PADI3: variants seen among roughly 807,000 people sequenced by gnomAD.
PADI3 encodes peptidyl arginine deiminase 3.
PADI3 carries 53 observed loss-of-function variants against 71.5 expected under a neutral mutation model. The observed-to-expected ratio is 0.74, with a 90% CI of 0.59 to 0.93. PADI3 has a LOEUF of 0.93. Ranked by LOEUF, PADI3 falls within the 40% of genes least tolerant of loss-of-function variation. The pLI is 0.00. For synonymous variants in PADI3, 361 were observed against 347.5 expected (o/e 1.04, Z -0.43); for missense variants, 821 against 868.0 (o/e 0.95, Z 0.68).
chr1:17,261,039 G>C (rs989269086), intron 2 of PADI3, among the ~76,000 whole-genome samples: 4 of 152,188 alleles, frequency 2.6e-5, no homozygotes, highest in African/African-American at 9.7e-5. Context: ...AAGCATCACT[G>C]CTGGTGATTG....
At chr1:17,264,331 TACACACACACACAC>T (rs60223695) in intron 3 of PADI3, among the ~76,000 whole-genome samples, 3 of 148,112 alleles carry the variant, frequency 2.0e-5, no homozygotes, top group East Asian at 3.9e-4. Context: ...AAAGCATATG[TACACACACACACAC>T]ACACACACAC....
At chr1:17,275,436 CAAAA>C (rs10617336) in intron 11 of PADI3, among the ~76,000 whole-genome samples, 3 of 89,466 alleles carry the variant, frequency 3.4e-5, no homozygotes, top group Admixed American at 1.6e-4. Flanking sequence ...GACTCCGTCT[CAAAA>C]AAAAAAAAAA....
intron 3 of PADI3, among the ~76,000 whole-genome samples, chr1:17,264,988 G>A (rs1273135860): frequency 3.4e-5 from 5 of 146,396 alleles, no homozygotes; most frequent in African/African-American, 1.0e-4. Context: ...CAGCCTGGGC[G>A]ACAGAGACCC....
chr1:17,258,157 G>A (rs1433171133), intron 1 of PADI3, among the ~76,000 whole-genome samples: 1 of 152,226 alleles, frequency 6.6e-6, no homozygotes, highest in Non-Finnish European at 1.5e-5. Context: ...CTGGCACACA[G>A]CATGAGCTCA....
chr1:17,274,759 G>A lies in PADI3; in HGVS notation c.1280G>A (p.Arg427Lys), dbSNP rs759633615. The change falls in exon 11 of 16, where the codon AGG becomes AAG. Residue 427 changes from arginine (R) to lysine (K), a missense_variant. Coordinates refer to ENST00000375460, the MANE Select transcript of PADI3 (RefSeq NM_016233.2). The part of the protein sequence containing the change: ...VANGKEYPLG[R>K]ILIGGNLPGS... ...AATGGGAAAGAGTACCCCCTGGGGA[G>A]GATCCTCATTGGGGGCAACCTGCCT... is the stretch of plus-strand genomic sequence containing the variant. 6.8e-6 allele frequency: 11 copies of A among 1,613,788 alleles called. No homozygotes were observed. In the South Asian group the frequency reaches 7.7e-5, roughly 11 times the overall value.
chr1:17,279,418 G>T (rs1156473830), intron 13 of PADI3, among the ~76,000 whole-genome samples: 1 of 152,166 alleles, frequency 6.6e-6, no homozygotes, highest in Admixed American at 6.5e-5. Flanking sequence ...CTGGCCCAGA[G>T]GCCTCAGCAA....
chr1:17,267,979 G>T lies in PADI3; in HGVS notation c.652+17G>T. ...ACATCTGCGGTGAGTTTGTGCCACTGCCCCTTGCCATCTGTGCCCTGTTGC... is the reference window on the plus strand; with the variant it reads ...ACATCTGCGGTGAGTTTGTGCCACTTCCCCTTGCCATCTGTGCCCTGTTGC... On this transcript the variant is annotated intron_variant, in intron 6 of 15. Coordinates refer to ENST00000375460, the MANE Select transcript of PADI3 (RefSeq NM_016233.2). The T allele has an allele frequency of 6.2e-7, 1 of 1,613,654 alleles. No individual in the cohort carries two copies. The highest frequency in any genetic ancestry group is 2.2e-5 in the East Asian group (1 of 44,880).
chr1:17,267,867 G>A lies in PADI3; in HGVS notation c.557G>A (p.Arg186Gln), dbSNP rs199553716. 6.6e-5 allele frequency: 107 copies of A among 1,614,092 alleles called. 1 individual carries two copies. Among genetic ancestry groups the A allele is most frequent in the East Asian group, 5.3e-4 (24 of 44,888 alleles). The change falls in exon 6 of 16, where the codon CGG becomes CAG. Residue 186 changes from arginine (R) to glutamine (Q), a missense_variant. By Grantham distance (43) the Arg-to-Gln change is conservative. Transcript: ENST00000375460. Reference protein sequence around the residue: ...DLEDMSVMVLRTQGPAALFDD... With the variant: ...DLEDMSVMVLQTQGPAALFDD... The stretch of plus-strand genomic sequence containing the variant: ...GAAGACATGTCTGTCATGGTCCTGC[G>A]GACGCAGGGCCCTGCAGCCCTCTTT...
intron 3 of PADI3, among the ~76,000 whole-genome samples, chr1:17,263,621 C>T (rs189962415): frequency 1.3e-5 from 2 of 152,092 alleles, no homozygotes; most frequent in African/African-American, 4.8e-5. Flanking sequence ...GTGCAAAGAC[C>T]ATAAGGGGAA....
chr1:17,278,220 CA>C (rs1286670652), intron 13 of PADI3, among the ~76,000 whole-genome samples: 9 of 152,228 alleles, frequency 5.9e-5, no homozygotes, highest in Non-Finnish European at 8.8e-5. Flanking sequence ...GCTCTTTAAA[CA>C]AGGAGCTGGC....
chr1:17,264,195 C>G (rs2073135350), intron 3 of PADI3, among the ~76,000 whole-genome samples: 1 of 152,172 alleles, frequency 6.6e-6, no homozygotes, highest in Non-Finnish European at 1.5e-5. Context: ...TTTACTTTGC[C>G]TTTCTTTAGT....
At chr1:17,272,726 G>A (rs2073271967) in intron 9 of PADI3, among the ~76,000 whole-genome samples, 1 of 152,006 alleles carries the variant, frequency 6.6e-6, no homozygotes. Flanking sequence ...TCAAACTCCT[G>A]GCCTCAAGCA....
rs751053861 is a variant in PADI3 at position 17,282,907 on chromosome 1, A to G, written c.1823A>G (p.Asn608Ser). 1 of 1,614,090 alleles carries G rather than the reference A, an allele frequency of 6.2e-7. No homozygotes were observed. The highest frequency in any genetic ancestry group is 2.2e-5 in the East Asian group (1 of 44,850). ...CCCAAGCCCTTTGGGCCCATCATCAATGGCTGCTGCTGCCTGGAGGAGAAG... is the reference window on the plus strand; with the variant it reads ...CCCAAGCCCTTTGGGCCCATCATCAGTGGCTGCTGCTGCCTGGAGGAGAAG... ...GIPKPFGPII[N>S]GCCCLEEKVR... is the part of the protein sequence containing the mutation. Residue 608 changes from asparagine (N) to serine (S), a missense_variant, in exon 16 of 16, where the codon AAT becomes AGT. Coordinates refer to ENST00000375460, the MANE Select transcript of PADI3 (RefSeq NM_016233.2).
intron 15 of PADI3, among the ~76,000 whole-genome samples, chr1:17,281,288 A>C (rs1436313974): frequency 6.6e-6 from 1 of 152,150 alleles, no homozygotes; most frequent in African/African-American, 2.4e-5. Flanking sequence ...CCAGTGATCT[A>C]TTTTGTAGGA....
chr1:17,255,628 C>A (rs1019454217), intron 1 of PADI3, among the ~76,000 whole-genome samples: 1 of 152,148 alleles, frequency 6.6e-6, no homozygotes, highest in Non-Finnish European at 1.5e-5. Context: ...AGCAGCTGCC[C>A]CTCTCATTCT....
intron 5 of PADI3, 57 bp downstream of exon 5, chr1:17,266,893 A>G (rs2073176816): frequency 7.6e-7 from 1 of 1,321,306 alleles, no homozygotes; most frequent in African/African-American, 1.4e-5. Flanking sequence ...CAGTTACCCC[A>G]TGGGAGTTCC....
chr1:17,277,112 A>G (rs1355752787), intron 13 of PADI3, among the ~76,000 whole-genome samples: 1 of 152,012 alleles, frequency 6.6e-6, no homozygotes, highest in Non-Finnish European at 1.5e-5. Context: ...GAGCGGGGAC[A>G]TAGTGGCTTC....
At chr1:17,275,688 T>C (rs2073321085) in intron 11 of PADI3, among the ~76,000 whole-genome samples, 1 of 152,186 alleles carries the variant, frequency 6.6e-6, no homozygotes, top group Non-Finnish European at 1.5e-5. Flanking sequence ...AATCCTATCA[T>C]ATTGGTTACT....
At chr1:17,279,358 T>C (rs1050085716) in intron 13 of PADI3, among the ~76,000 whole-genome samples, 1 of 152,144 alleles carries the variant, frequency 6.6e-6, no homozygotes, top group Non-Finnish European at 1.5e-5. Context: ...ATGGGATGAC[T>C]CTCACCCACC....
Sources: allele counts gnomAD v4.1 joint callset (sites outside exome capture counted in the v4.1 genomes callset), GRCh38; gene constraint gnomAD v4.1.1; transcripts MANE v1.5; gene names NCBI Gene and HGNC (gene_info 2026-07-23, HGNC 2026-07-21).